KCTD8: variants seen among roughly 807,000 people sequenced by gnomAD.
The protein encoded by KCTD8 is BTB/POZ domain-containing protein KCTD8.
KCTD8 carries 27 observed loss-of-function variants against 31.5 expected under a neutral mutation model. The observed-to-expected ratio is 0.86, with a 90% CI of 0.63 to 1.18. The LOEUF (loss-of-function observed/expected upper bound fraction) is 1.18, where lower values mean the gene tolerates loss of function less well. Among genes scored for constraint, KCTD8 ranks in the 50% most tolerant of loss-of-function variants. KCTD8 has a pLI of 0.00. For synonymous variants in KCTD8, 290 were observed against 280.0 expected, an observed-to-expected ratio of 1.04 and a Z score of -0.36; for missense variants, 658 against 647.7, an observed-to-expected ratio of 1.02 and a Z score of -0.17.
chr4:44,174,035 A>T lies in KCTD8; in HGVS notation c.*755T>A, dbSNP rs1399111344. The T allele has an allele frequency of 6.6e-6, 1 of 152,146 alleles. No individual in the cohort carries two copies. Among genetic ancestry groups the T allele is most frequent in the Non-Finnish European group, 1.5e-5 (1 of 68,008 alleles). 9.4% of individuals were successfully genotyped at this position (152,146 alleles called of 1,614,324 possible). ...ATTTTCACAGCCCGATGTAAGACTC[A>T]TTTCACAGTAATAATCATGACTAGC... On this transcript the variant is annotated 3_prime_UTR_variant, in exon 2 of 2. Transcript: ENST00000360029.
Position 44,448,040 on chromosome 4 carries a change from G to C in KCTD8, c.484C>G (p.Gln162Glu). 6.2e-7 allele frequency: 1 copy of C among 1,610,190 alleles called. No homozygotes were observed. The highest frequency in any genetic ancestry group is 8.5e-7 in the Non-Finnish European group (1 of 1,178,780). ...KQNSLNDEGC[Q>E]SDLEDNVSQG... ...GAGACGTTGTCCTCCAGGTCGCTCT[G>C]GCAGCCCTCGTCGTTGAGAGAGTTC... Residue 162 changes from glutamine (Q) to glutamate (E), a missense_variant, in exon 1 of 2, where the codon CAG (glutamine) becomes GAG (glutamate). By Grantham distance (29) the Gln-to-Glu change is conservative. Transcript: ENST00000360029. This position sits in a 1 kb window ranked among gnomAD's most constrained non-coding sequence, Gnocchi z 4.1.
chr4:44,272,148 G>C (rs1419118873), intron 1 of KCTD8, among the ~76,000 whole-genome samples: 3 of 139,014 alleles, frequency 2.2e-5, no homozygotes, highest in African/African-American at 9.9e-5. Context: ...TATAAATGCT[G>C]AACCATAAGT....
intron 1 of KCTD8, among the ~76,000 whole-genome samples, chr4:44,277,930 G>A (rs1259216180): frequency 6.6e-6 from 1 of 151,914 alleles, no homozygotes; most frequent in East Asian, 1.9e-4. Context: ...GAAGCTTACT[G>A]TCTGGAAATA....
rs536358461 is a variant in KCTD8 at position 44,271,736 on chromosome 4, T to C, written c.962-96486A>G. 2.0e-4 allele frequency among the ~76,000 whole-genome samples: 30 copies of C among 152,276 alleles called. 1 individual carries two copies. The South Asian group carries it at 3.7e-3, about 19-fold the overall frequency. ...TATAACTAGCCAGAGCCCATCCCTTTGTTTCGGCCCATCCCTTTGTTTCCC... is the reference window on the plus strand; with the variant it reads ...TATAACTAGCCAGAGCCCATCCCTTCGTTTCGGCCCATCCCTTTGTTTCCC... On this transcript the variant is annotated intron_variant, in intron 1 of 1. Transcript: ENST00000360029.
intron 1 of KCTD8, among the ~76,000 whole-genome samples, chr4:44,333,275 T>C (rs1718636995): frequency 6.6e-6 from 1 of 152,096 alleles, no homozygotes; most frequent in Non-Finnish European, 1.5e-5. Flanking sequence ...ATAATGAATC[T>C]GTCTCAAATT....
chr4:44,240,750 T>C (rs1715435915), intron 1 of KCTD8, among the ~76,000 whole-genome samples: 1 of 152,194 alleles, frequency 6.6e-6, no homozygotes, highest in African/African-American at 2.4e-5. Context: ...AAAACAGCTT[T>C]AAAATGCTCC....
At chr4:44,278,006 G>C (rs1289180843) in intron 1 of KCTD8, among the ~76,000 whole-genome samples, 1 of 151,950 alleles carries the variant, frequency 6.6e-6, no homozygotes, top group Non-Finnish European at 1.5e-5. Flanking sequence ...TTGCCTTCTG[G>C]AAGGCTCAGG....
chr4:44,444,800 T>TG (rs200261708), intron 1 of KCTD8, among the ~76,000 whole-genome samples: 35,724 of 143,048 alleles, frequency 0.25, 4,513 homozygotes, highest in Middle Eastern at 0.39. Flanking sequence ...TGACGGGGGT[T>TG]GGGGGGGAAT....
chr4:44,330,919 A>G (rs1718576327), intron 1 of KCTD8, among the ~76,000 whole-genome samples: 1 of 151,846 alleles, frequency 6.6e-6, no homozygotes, highest in Non-Finnish European at 1.5e-5. Flanking sequence ...GCAGTTTCCC[A>G]GAGAAGATAT....
chr4:44,221,665 T>C (rs1309854287), intron 1 of KCTD8, among the ~76,000 whole-genome samples: 1 of 152,196 alleles, frequency 6.6e-6, no homozygotes, highest in South Asian at 2.1e-4. Context: ...GCTGAAGAAC[T>C]TCAAGTCCAA....
At chr4:44,325,046 A>G (rs1377231364) in intron 1 of KCTD8, among the ~76,000 whole-genome samples, 1 of 152,016 alleles carries the variant, frequency 6.6e-6, no homozygotes, top group Admixed American at 6.5e-5. Flanking sequence ...TGGAAAGATA[A>G]TCTTCTTTCA....
At chr4:44,435,472 T>G (rs1721620636) in intron 1 of KCTD8, among the ~76,000 whole-genome samples, 1 of 151,864 alleles carries the variant, frequency 6.6e-6, no homozygotes. Context: ...AATATAAATA[T>G]TCTCCAGGTA....
At chr4:44,428,008 T>C (rs12498157) in intron 1 of KCTD8, among the ~76,000 whole-genome samples, 1 of 151,358 alleles carries the variant, frequency 6.6e-6, no homozygotes, top group African/African-American at 2.4e-5. Context: ...GGCCTAATTA[T>C]TACTTTGAAA....
chr4:44,363,196 G>A (rs749694514), intron 1 of KCTD8, among the ~76,000 whole-genome samples: 4 of 152,100 alleles, frequency 2.6e-5, no homozygotes, highest in Non-Finnish European at 4.4e-5. Flanking sequence ...TCAAATCACA[G>A]AATTATTAGA....
At chr4:44,198,907 A>G (rs1473565560) in intron 1 of KCTD8, among the ~76,000 whole-genome samples, 1 of 152,134 alleles carries the variant, frequency 6.6e-6, no homozygotes, top group Non-Finnish European at 1.5e-5. Flanking sequence ...GTCTTCAAAA[A>G]ACCCATCTCA....
intron 1 of KCTD8, among the ~76,000 whole-genome samples, chr4:44,437,920 C>T (rs1721711442): frequency 6.6e-6 from 1 of 152,100 alleles, no homozygotes; most frequent in African/African-American, 2.4e-5. Flanking sequence ...AAGGATTCAT[C>T]CCCAAAACCA....
At chr4:44,175,376 T>C in intron 1 of KCTD8, 126 bp from the exon 2 acceptor site, 1 of 598,270 alleles carries the variant, frequency 1.7e-6, no homozygotes, top group Non-Finnish European at 2.8e-6. Flanking sequence ...AAATGGTGCA[T>C]ATTGTACTAG....
chr4:44,411,870 G>C (rs879293511), intron 1 of KCTD8, among the ~76,000 whole-genome samples: 4 of 152,038 alleles, frequency 2.6e-5, no homozygotes, highest in Admixed American at 6.6e-5. Flanking sequence ...TCTATTCAGG[G>C]TCTCAGAAAG....
At chr4:44,185,915 T>C (rs556930246) in intron 1 of KCTD8, among the ~76,000 whole-genome samples, 38 of 152,152 alleles carry the variant, frequency 2.5e-4, no homozygotes, top group African/African-American at 8.9e-4. Flanking sequence ...CACACTAATA[T>C]AGTTAATACT....
Sources: gnomAD v4.1 joint callset for allele counts (sites outside exome capture counted in the v4.1 genomes callset) on GRCh38, gnomAD v4.1.1 for gene constraint, Gnocchi (gnomAD v3.1) non-coding constraint, MANE v1.5 for transcripts, NCBI Gene and HGNC (gene_info 2026-07-23, HGNC 2026-07-21) for gene names.